Variants in SPATA12 observed in about 807,000 individuals in gnomAD.
The protein encoded by SPATA12 is spermatogenesis-associated protein 12.
For missense variants in SPATA12, 219 were observed against 226.4 expected (o/e 0.97, Z 0.21); for synonymous variants, 85 against 89.2 (o/e 0.95, Z 0.26).
At chr3:57,068,485 T>C (rs573346575) in intron 1 of SPATA12, among the ~76,000 whole-genome samples, 119 of 152,336 alleles carry the variant, frequency 7.8e-4, no homozygotes, top group African/African-American at 2.7e-3. Context: ...CAGGCAATCA[T>C]TTAAATAATT....
chr3:57,062,717 CACA>C (rs1705297998), intron 1 of SPATA12, among the ~76,000 whole-genome samples: 1 of 152,110 alleles, frequency 6.6e-6, no homozygotes, highest in African/African-American at 2.4e-5. Context: ...CACACACACA[CACA>C]ACAAACATGC....
At position 57,074,609 on chromosome 3, in the gene SPATA12, G is replaced by A. The variant is rs1706123290; in HGVS notation, c.*342G>A. 1 of 258,344 alleles carries A rather than the reference G, an allele frequency of 3.9e-6. No individual in the cohort carries two copies. Among genetic ancestry groups the A allele is most frequent in the South Asian group, 9.0e-5 (1 of 11,134 alleles). 16.0% of individuals were successfully genotyped at this position (258,344 alleles called of 1,614,324 possible). ...AAAGAGTGGGAGGCATGCATCTCCT[G>A]ATCCCCGATCCTATACATTTTCATC... On this transcript the variant is annotated 3_prime_UTR_variant, in exon 2 of 2. Coordinates refer to ENST00000334325, the MANE Select transcript of SPATA12 (RefSeq NM_181727.2).
At chr3:57,068,788 G>T (rs1175039432) in intron 1 of SPATA12, among the ~76,000 whole-genome samples, 1 of 152,050 alleles carries the variant, frequency 6.6e-6, no homozygotes, top group Non-Finnish European at 1.5e-5. Context: ...TTATATCATT[G>T]TGTTTTTCCC....
chr3:57,068,499 G>A, intron 1 of SPATA12, among the ~76,000 whole-genome samples: 1 of 152,100 alleles, frequency 6.6e-6, no homozygotes, highest in East Asian at 1.9e-4. Context: ...AATAATTTCT[G>A]ACTCACAAAG....
At chr3:57,066,043 A>C (rs552145448) in intron 1 of SPATA12, among the ~76,000 whole-genome samples, 1,418 of 139,076 alleles carry the variant, frequency 0.01, 36 homozygotes, top group African/African-American at 0.036. Flanking sequence ...TCCAAAACAA[A>C]AAAAAAAAAC....
In SPATA12 at chr3:57,071,489, G is replaced by A. The variant is rs527855052; in HGVS notation, c.-329-1877G>A. ...AGCCTGGCCAACATGGTGAAACCCC[G>A]TCTCTACTAAAAATACAAAAATCAG... is the stretch of plus-strand genomic sequence containing the variant. On this transcript the variant is annotated intron_variant, in intron 1 of 1. Transcript: ENST00000334325. 9.9e-5 allele frequency among the ~76,000 whole-genome samples: 15 copies of A among 151,928 alleles called. No homozygotes were observed. The South Asian group carries it at 1.0e-3, about 11-fold the overall frequency.
intron 1 of SPATA12, among the ~76,000 whole-genome samples, chr3:57,062,558 G>C (rs1048909512): frequency 3.3e-5 from 5 of 152,162 alleles, no homozygotes; most frequent in Non-Finnish European, 7.3e-5. Flanking sequence ...AATAGCAAAA[G>C]ATTGGAAGCT....
intron 1 of SPATA12, among the ~76,000 whole-genome samples, chr3:57,066,842 G>C (rs1446340819): frequency 1.3e-5 from 2 of 152,146 alleles, no homozygotes; most frequent in Non-Finnish European, 2.9e-5. Flanking sequence ...TCTACCCAGA[G>C]AGCCTTTGGG....
chr3:57,069,217 G>A (rs1397734805), intron 1 of SPATA12, among the ~76,000 whole-genome samples: 1 of 152,088 alleles, frequency 6.6e-6, no homozygotes, highest in African/African-American at 2.4e-5. Context: ...CACCACGCCT[G>A]GCCTAGATCT....
rs535310458 is a variant in SPATA12 at position 57,075,295 on chromosome 3, C to G, written c.*1028C>G. On this transcript the variant is annotated 3_prime_UTR_variant, in exon 2 of 2. Coordinates refer to ENST00000334325, the MANE Select transcript of SPATA12 (RefSeq NM_181727.2). The stretch of plus-strand genomic sequence containing the variant: ...TGATCTAGTTGTCTACTGTCCATCT[C>G]CACCACTGGGATGTAAACTCCACAA... 1.2e-5 allele frequency: 2 copies of G among 167,288 alleles called. No homozygotes were observed. The highest frequency in any genetic ancestry group is 3.9e-4 in the East Asian group (2 of 5,194). The allele number at this position is 167,288 out of a possible 1,614,324, so 10.4% of individuals were successfully genotyped here.
chr3:57,075,429 G>A lies in SPATA12; in HGVS notation c.*1162G>A, dbSNP rs888588163. ...ATGTTTTTGAATAAATGAAATAAAT[G>A]AGCTAAGTGGCTAAGACATGTGTAA... is the stretch of plus-strand genomic sequence containing the variant. On this transcript the variant is annotated 3_prime_UTR_variant, in exon 2 of 2. Transcript: ENST00000334325. The A allele has an allele frequency of 4.2e-5, 7 of 166,718 alleles. No homozygotes were observed. The highest frequency in any genetic ancestry group is 1.7e-4 in the African/African-American group (7 of 41,374). 10.3% of individuals were successfully genotyped at this position (166,718 alleles called of 1,614,324 possible). A position where few individuals can be genotyped will look rare whatever the true frequency, so the allele number is the denominator to read the frequency against.
At chr3:57,070,042 GT>G (rs1217692791) in intron 1 of SPATA12, among the ~76,000 whole-genome samples, 24 of 152,322 alleles carry the variant, frequency 1.6e-4, no homozygotes, top group African/African-American at 4.8e-4. Flanking sequence ...GGCTAAGATT[GT>G]TTTAGCAGCA....
chr3:57,067,379 C>A (rs1219662586), intron 1 of SPATA12, among the ~76,000 whole-genome samples: 2 of 151,208 alleles, frequency 1.3e-5, no homozygotes, highest in Non-Finnish European at 2.9e-5. Flanking sequence ...GGCGTGAACC[C>A]AGGAGGCAGA....
intron 1 of SPATA12, among the ~76,000 whole-genome samples, chr3:57,061,976 T>G (rs191353897): frequency 2.0e-5 from 3 of 152,306 alleles, no homozygotes; most frequent in Admixed American, 2.0e-4. Flanking sequence ...ACAAGCATTT[T>G]CTGCCCTGAA....
Position 57,074,548 on chromosome 3 carries a change from A to C in SPATA12, c.*281A>C. ...CCCCGGGGAACCTTCACTGTATTAA[A>C]TGACATCAATTGATCAATCAATCGA... On this transcript the variant is annotated 3_prime_UTR_variant, in exon 2 of 2. Transcript: ENST00000334325. 1 of 411,062 alleles carries C rather than the reference A, an allele frequency of 2.4e-6. No homozygotes were observed. The highest frequency in any genetic ancestry group is 4.5e-6 in the Non-Finnish European group (1 of 219,932). The allele number at this position is 411,062 out of a possible 1,614,324, so 25.5% of individuals were successfully genotyped here.
At position 57,074,432 on chromosome 3, in the gene SPATA12, A is replaced by ACTTCC; in HGVS notation, c.*167_*171dup. 4.8e-6 allele frequency: 3 copies of ACTTCC among 629,950 alleles called. No homozygotes were observed. The South Asian group carries it at 6.0e-5, about 13-fold the overall frequency. 39.0% of individuals were successfully genotyped at this position (629,950 alleles called of 1,614,324 possible). A position where few individuals can be genotyped will look rare whatever the true frequency, so the allele number is the denominator to read the frequency against. Reference sequence around the variant, plus strand: ...TTTTTCCAAGAAGCCTCCCTGTCACACTTCCCCAATATCACAGATGAAGAA... The same window carrying ACTTCC: ...TTTTTCCAAGAAGCCTCCCTGTCACACTTCCCTTCCCCAATATCACAGATGAAGAA... On this transcript the variant is annotated 3_prime_UTR_variant, in exon 2 of 2. Coordinates refer to ENST00000334325, the MANE Select transcript of SPATA12 (RefSeq NM_181727.2).
intron 1 of SPATA12, among the ~76,000 whole-genome samples, chr3:57,071,486 C>A (rs147972272): frequency 4.7e-4 from 71 of 151,978 alleles, no homozygotes; most frequent in African/African-American, 1.7e-3. Flanking sequence ...ATGGTGAAAC[C>A]CCGTCTCTAC....
intron 1 of SPATA12, among the ~76,000 whole-genome samples, chr3:57,070,421 G>A (rs182685798): frequency 8.5e-5 from 13 of 152,320 alleles, no homozygotes; most frequent in African/African-American, 2.4e-4. Context: ...TGTCTGTGCA[G>A]TTTGATGGAT....
At position 57,074,150 on chromosome 3, in the gene SPATA12, T is replaced by C. The variant is rs1706092586; in HGVS notation, c.456T>C (p.Asp152=). 1 of 1,614,138 alleles carries C rather than the reference T, an allele frequency of 6.2e-7. No homozygotes were observed. The highest frequency in any genetic ancestry group is 8.5e-7 in the Non-Finnish European group (1 of 1,180,014). ...GWLWRLCEDI[D]AEPSSTGCSR... ...TGTGGAGACTGTGTGAGGATATAGA[T>C]GCCGAGCCCAGTAGCACAGGGTGCA... The change falls in exon 2 of 2, where the codon GAT becomes GAC. Residue 152 remains aspartate, a synonymous_variant. Coordinates refer to ENST00000334325, the MANE Select transcript of SPATA12 (RefSeq NM_181727.2).
Sources: allele counts gnomAD v4.1 joint callset (sites outside exome capture counted in the v4.1 genomes callset), GRCh38; gene constraint gnomAD v4.1.1; transcripts MANE v1.5; gene names NCBI Gene and HGNC (gene_info 2026-07-23, HGNC 2026-07-21).